ATF7: variants seen among roughly 807,000 people sequenced by gnomAD.
ATF7 encodes cyclic AMP-dependent transcription factor ATF-7.
Under a neutral mutation model 50.4 loss-of-function variants are expected in ATF7, and 10 were observed. The observed-to-expected ratio is 0.20, with a 90% CI of 0.12 to 0.34. ATF7 has a LOEUF of 0.34. Among genes scored for constraint, ATF7 ranks in the 10% least tolerant of loss-of-function variants. The pLI is 1.00. For missense variants in ATF7, 465 were observed against 613.9 expected, an observed-to-expected ratio of 0.76 and a Z score of 2.56; for synonymous variants, 201 against 226.4, an observed-to-expected ratio of 0.89 and a Z score of 1.01.
chr12:53,551,284 C>T (rs926094579), intron 3 of ATF7, among the ~76,000 whole-genome samples: 7 of 152,194 alleles, frequency 4.6e-5, no homozygotes, highest in African/African-American at 1.7e-4. Context: ...CTCAGCCTCC[C>T]AAGTAGCTAG....
intron 6 of ATF7, 54 bp downstream of exon 6, chr12:53,534,448 A>C: frequency 6.2e-7 from 1 of 1,602,786 alleles, no homozygotes; most frequent in Non-Finnish European, 8.5e-7. Flanking sequence ...AAATAGTTTC[A>C]TGTAATGGAA....
rs1939110164 is a variant in ATF7 at position 53,534,604 on chromosome 12, G to A, written c.458C>T (p.Pro153Leu). ...ISTPTPTIVR[P>L]GSLPLHLGYD... The stretch of plus-strand genomic sequence containing the variant: ...GCCCAAGTGGAGAGGCAGGGAGCCA[G>A]GACGTACAATGGTGGGTGTGGGGGT... The change falls in exon 6 of 12, where the codon CCT (proline) becomes CTT (leucine). Residue 153 changes from proline to leucine, a missense_variant. Pro to Leu is a moderately conservative substitution (Grantham distance 98). Transcript: ENST00000420353. 2 of 1,613,654 alleles carry A rather than the reference G, an allele frequency of 1.2e-6. No homozygotes were observed. The highest frequency in any genetic ancestry group is 2.2e-5 in the East Asian group (1 of 44,878).
rs1337295079 is a variant in ATF7 at position 53,524,838 on chromosome 12, G to A, written c.928-77C>T. On this transcript the variant is annotated intron_variant, in intron 9 of 11. Transcript: ENST00000420353. This position sits in a 1 kb window ranked among gnomAD's most constrained non-coding sequence, Gnocchi z 4.6. ...CAAATCACACCTGATGTTAGGTAGA[G>A]TAGTAAGATCTGGTAAAAGGATATA... 4 of 1,305,882 alleles carry A rather than the reference G, an allele frequency of 3.1e-6. No individual in the cohort carries two copies. Among genetic ancestry groups the A allele is most frequent in the African/African-American group, 1.5e-5 (1 of 67,184 alleles). 80.9% of individuals were successfully genotyped at this position (1,305,882 alleles called of 1,614,324 possible). A position where few individuals can be genotyped will look rare whatever the true frequency, so the allele number is the denominator to read the frequency against.
intron 1 of ATF7, among the ~76,000 whole-genome samples, chr12:53,609,749 A>G (rs1412285597): frequency 6.6e-6 from 1 of 152,026 alleles, no homozygotes; most frequent in Non-Finnish European, 1.5e-5. Context: ...AATGTCCCAA[A>G]AGGATATGCT....
chr12:53,625,283 G>T (rs1435318658), intron 1 of ATF7, among the ~76,000 whole-genome samples: 2 of 152,162 alleles, frequency 1.3e-5, no homozygotes, highest in Non-Finnish European at 2.9e-5. Flanking sequence ...GGTAATAGAA[G>T]AGAGGGAGAA....
At position 53,587,843 on chromosome 12, in the gene ATF7, A is replaced by ATATT; in HGVS notation, c.48+13109_48+13110insAATA. 5.4e-4 allele frequency among the ~76,000 whole-genome samples: 33 copies of ATATT among 61,560 alleles called. 1 individual carries two copies. Among genetic ancestry groups the ATATT allele is most frequent in the Admixed American group, 2.1e-3 (9 of 4,364 alleles). 40.4% of individuals were successfully genotyped at this position (61,560 alleles called of 152,430 possible). On this transcript the variant is annotated intron_variant, in intron 2 of 11. Transcript: ENST00000420353. The stretch of plus-strand genomic sequence containing the variant: ...TACATATATATATATATATATATAT[A>ATATT]TTTTTTTTTTTTTTTCTTTTTGACA...
At chr12:53,605,889 GTC>G (rs1555152644) in intron 1 of ATF7, among the ~76,000 whole-genome samples, 2 of 152,154 alleles carry the variant, frequency 1.3e-5, no homozygotes, top group Non-Finnish European at 2.9e-5. Flanking sequence ...AATATTTAAA[GTC>G]TATATTAAGT....
At chr12:53,577,103 G>C (rs949931035) in intron 2 of ATF7, among the ~76,000 whole-genome samples, 1 of 152,034 alleles carries the variant, frequency 6.6e-6, no homozygotes, top group African/African-American at 2.4e-5. Context: ...CTCAGTAGTA[G>C]ACTGGACATA....
chr12:53,556,521 C>T (rs947359556), intron 2 of ATF7, among the ~76,000 whole-genome samples: 1 of 152,168 alleles, frequency 6.6e-6, no homozygotes, highest in African/African-American at 2.4e-5. Context: ...GGCTTGAACC[C>T]AGGAGGTGGA....
At chr12:53,564,912 A>G (rs1941362003) in intron 2 of ATF7, among the ~76,000 whole-genome samples, 1 of 150,912 alleles carries the variant, frequency 6.6e-6, no homozygotes, top group African/African-American at 2.5e-5. Context: ...TTCATCAGCT[A>G]TTGTTGGCGT....
Position 53,543,319 on chromosome 12 carries a change from C to T in ATF7, c.264+11G>A, listed in dbSNP as rs1354182518. Reference sequence around the variant, plus strand: ...TACCACCAGTTTTTTGGCAACAGTCCTGCTTCTTGCCTTTTTCTCATCCTC... The same window carrying T: ...TACCACCAGTTTTTTGGCAACAGTCTTGCTTCTTGCCTTTTTCTCATCCTC... On this transcript the variant is annotated intron_variant, in intron 4 of 11. Transcript: ENST00000420353. The T allele has an allele frequency of 1.3e-6, 2 of 1,571,012 alleles. No homozygotes were observed. Among genetic ancestry groups the T allele is most frequent in the African/African-American group, 1.3e-5 (1 of 74,244 alleles).
At chr12:53,519,746 TG>T (rs1937986131) in intron 11 of ATF7, among the ~76,000 whole-genome samples, 2 of 152,148 alleles carry the variant, frequency 1.3e-5, no homozygotes, top group African/African-American at 4.8e-5. Flanking sequence ...CAACAGGATT[TG>T]TTTTTTTGGT....
intron 1 of ATF7, among the ~76,000 whole-genome samples, chr12:53,615,458 A>G (rs1295697456): frequency 2.0e-5 from 3 of 152,238 alleles, no homozygotes; most frequent in African/African-American, 7.2e-5. Flanking sequence ...ATGATGTTAA[A>G]TAAAACCAAC....
chr12:53,597,455 A>G (rs1362939120), intron 2 of ATF7, among the ~76,000 whole-genome samples: 2 of 152,204 alleles, frequency 1.3e-5, no homozygotes, highest in Admixed American at 1.3e-4. Context: ...TGCATAGGGT[A>G]AAGTCTGGGC....
intron 9 of ATF7, among the ~76,000 whole-genome samples, chr12:53,527,996 C>A (rs903379268): frequency 6.6e-6 from 1 of 151,878 alleles, no homozygotes; most frequent in African/African-American, 2.4e-5. Flanking sequence ...CGCCTGCCAC[C>A]ATGCCTGGCT....
chr12:53,527,051 C>T (rs1235025018), intron 9 of ATF7, among the ~76,000 whole-genome samples: 27 of 147,826 alleles, frequency 1.8e-4, no homozygotes, highest in African/African-American at 5.5e-4. Flanking sequence ...TCCAGCTACT[C>T]GGGAGGCTGA....
chr12:53,622,644 T>C (rs574310835), intron 1 of ATF7, among the ~76,000 whole-genome samples: 6 of 137,476 alleles, frequency 4.4e-5, no homozygotes, highest in African/African-American at 1.4e-4. Context: ...AAGTGCGAAA[T>C]TGCGTCTCAA....
intron 3 of ATF7, among the ~76,000 whole-genome samples, chr12:53,550,679 C>T (rs542431812): frequency 1.4e-4 from 21 of 152,258 alleles, no homozygotes; most frequent in South Asian, 2.1e-4. Context: ...TAAGTTCAGT[C>T]ATTGACATAA....
intron 1 of ATF7, among the ~76,000 whole-genome samples, chr12:53,609,706 T>C (rs1448863247): frequency 6.6e-6 from 1 of 151,652 alleles, no homozygotes; most frequent in Non-Finnish European, 1.5e-5. Context: ...AGCATAATAA[T>C]AGTTTAGCAT....
Sources: allele counts gnomAD v4.1 joint callset (sites outside exome capture counted in the v4.1 genomes callset), GRCh38; gene constraint gnomAD v4.1.1; non-coding constraint Gnocchi (gnomAD v3.1); transcripts MANE v1.5; gene names NCBI Gene and HGNC (gene_info 2026-07-23, HGNC 2026-07-21).